CDH4: variants seen among roughly 807,000 people sequenced by gnomAD.
CDH4 encodes the protein cadherin 4, also known as cadherin-4.
In CDH4, 33 loss-of-function variants were observed where a neutral mutation model predicts 86.0. The observed-to-expected ratio is 0.38, with a 90% confidence interval of 0.29 to 0.51. The LOEUF is 0.51. CDH4 is among the 20% of genes least tolerant of loss of function. CDH4 has a pLI of 0.86. For synonymous variants in CDH4, 555 were observed against 549.4 expected, an observed-to-expected ratio of 1.01 and a Z score of -0.14; for missense variants, 1,114 against 1,307.4, an observed-to-expected ratio of 0.85 and a Z score of 2.28.
intron 2 of CDH4, among the ~76,000 whole-genome samples, chr20:61,384,087 G>C (rs140498284): frequency 0.037 from 5,664 of 152,008 alleles, 366 homozygotes; most frequent in African/African-American, 0.13. Context: ...ACATTTTTCT[G>C]CCTGCTTATA....
chr20:61,304,819 G>A (rs2084407313), intron 2 of CDH4, among the ~76,000 whole-genome samples: 1 of 151,414 alleles, frequency 6.6e-6, no homozygotes, highest in African/African-American at 2.4e-5. Flanking sequence ...GGGGATGTGT[G>A]TACAGTGTGT....
chr20:61,319,584 GC>G (rs1428871003), intron 2 of CDH4, among the ~76,000 whole-genome samples: 1 of 152,146 alleles, frequency 6.6e-6, no homozygotes, highest in Non-Finnish European at 1.5e-5. Flanking sequence ...GTAGGTGGTT[GC>G]CTGGGGCTGG....
At chr20:61,419,220 C>T (rs2085163999) in intron 2 of CDH4, among the ~76,000 whole-genome samples, 1 of 152,164 alleles carries the variant, frequency 6.6e-6, no homozygotes, top group South Asian at 2.1e-4. Flanking sequence ...TTCCCCGCAG[C>T]AGGTGCAGCT....
chr20:61,815,085 G>GC (rs1041024411), intron 4 of CDH4, among the ~76,000 whole-genome samples: 3 of 152,152 alleles, frequency 2.0e-5, no homozygotes, highest in Non-Finnish European at 4.4e-5. Context: ...AGGAAATTCT[G>GC]CACCCTGAGT....
intron 6 of CDH4, 25 bp from the exon 7 acceptor site, chr20:61,873,703 A>C (rs1404103758): frequency 3.1e-6 from 5 of 1,605,258 alleles, no homozygotes; most frequent in Non-Finnish European, 4.2e-6. Context: ...GGCCATCCCC[A>C]TCTGAGCTGC....
chr20:61,842,706 C>A (rs1392462269), intron 4 of CDH4, among the ~76,000 whole-genome samples: 3 of 110,110 alleles, frequency 2.7e-5, no homozygotes, highest in African/African-American at 8.5e-5. Context: ...GCTCTGGAAT[C>A]TGTTACCCCT....
chr20:61,747,611 G>A (rs1461527453), intron 3 of CDH4, among the ~76,000 whole-genome samples: 1 of 152,172 alleles, frequency 6.6e-6, no homozygotes, highest in Non-Finnish European at 1.5e-5. Flanking sequence ...GTTTGGAATT[G>A]AAAACTAAAC....
At chr20:61,342,309 AAAGAATTACACAACTCAC>A (rs2084653207) in intron 2 of CDH4, among the ~76,000 whole-genome samples, 1 of 152,204 alleles carries the variant, frequency 6.6e-6, no homozygotes, top group Non-Finnish European at 1.5e-5. Context: ...ATATATAAAG[AAAGAATTACACAACTCAC>A]CATGACGTAC....
intron 2 of CDH4, among the ~76,000 whole-genome samples, chr20:61,732,303 C>G (rs2088200442): frequency 1.3e-5 from 2 of 152,184 alleles, no homozygotes; most frequent in South Asian, 4.2e-4. Context: ...TCTGCACTGC[C>G]TCAGGGAAAA....
At chr20:61,594,966 T>C (rs2086544691) in intron 2 of CDH4, among the ~76,000 whole-genome samples, 1 of 140,842 alleles carries the variant, frequency 7.1e-6, no homozygotes, top group Admixed American at 6.8e-5. Context: ...GTTTATTGAG[T>C]ATCCTCTTTA....
intron 4 of CDH4, among the ~76,000 whole-genome samples, chr20:61,816,795 G>A (rs1395375714): frequency 6.6e-6 from 1 of 152,170 alleles, no homozygotes; most frequent in Non-Finnish European, 1.5e-5. Flanking sequence ...CACAGAGCTG[G>A]GCCCAGGCCT....
At chr20:61,907,652 G>A (rs2054805320) in intron 8 of CDH4, among the ~76,000 whole-genome samples, 1 of 152,106 alleles carries the variant, frequency 6.6e-6, no homozygotes, top group Admixed American at 6.5e-5. Context: ...GTGATGAAGG[G>A]AAGACAGAGT....
intron 2 of CDH4, among the ~76,000 whole-genome samples, chr20:61,686,599 G>A (rs1262343249): frequency 2.6e-5 from 4 of 151,606 alleles, no homozygotes; most frequent in African/African-American, 4.9e-5. Flanking sequence ...GTGTGCATGA[G>A]CACGTGTGTG....
At position 61,829,820 on chromosome 20, in the gene CDH4, A is replaced by G. The variant is rs943015565; in HGVS notation, c.577-14848A>G. On this transcript the variant is annotated intron_variant, in intron 4 of 15. Coordinates refer to ENST00000614565, the MANE Select transcript of CDH4 (RefSeq NM_001794.5). This position sits in a 1 kb window ranked among gnomAD's most constrained non-coding sequence, Gnocchi z 4.2. The stretch of plus-strand genomic sequence containing the variant: ...GGGAGTCTGTGCAGCCCTCCTCCAG[A>G]CCCCAGTCCCCTTGGACCAGGGGCA... Among the ~76,000 whole-genome samples, 8 of 151,302 alleles carry G rather than the reference A, an allele frequency of 5.3e-5. No homozygotes were observed. The highest frequency in any genetic ancestry group is 1.7e-4 in the African/African-American group (7 of 41,166).
chr20:61,774,246 C>G (rs1216233644), intron 4 of CDH4, among the ~76,000 whole-genome samples: 1 of 152,202 alleles, frequency 6.6e-6, no homozygotes, highest in Non-Finnish European at 1.5e-5. Context: ...GAGGGCCAGG[C>G]AGGTTTGGAG....
chr20:61,554,273 C>T (rs1016837397), intron 2 of CDH4, among the ~76,000 whole-genome samples: 7 of 152,180 alleles, frequency 4.6e-5, no homozygotes, highest in Admixed American at 6.5e-5. Context: ...TCCCAGCTCC[C>T]GTAGGTGAAT....
intron 9 of CDH4, among the ~76,000 whole-genome samples, chr20:61,920,090 G>A (rs1213123749): frequency 0.047 from 121 of 2,598 alleles, 1 homozygote; most frequent in East Asian, 0.073. Context: ...CGGTGATTGC[G>A]TGGAAGCATG....
intron 2 of CDH4, among the ~76,000 whole-genome samples, chr20:61,554,689 A>G (rs1264419239): frequency 6.6e-6 from 1 of 152,238 alleles, no homozygotes; most frequent in Non-Finnish European, 1.5e-5. Context: ...AGAGCAGGAG[A>G]AACACTGTGG....
At chr20:61,782,379 A>G (rs1444404176) in intron 4 of CDH4, among the ~76,000 whole-genome samples, 2 of 152,200 alleles carry the variant, frequency 1.3e-5, no homozygotes, top group African/African-American at 4.8e-5. Context: ...ATTCATCACC[A>G]TTAGATCCAG....
Sources: allele counts gnomAD v4.1 joint callset (sites outside exome capture counted in the v4.1 genomes callset), GRCh38; gene constraint gnomAD v4.1.1; non-coding constraint Gnocchi (gnomAD v3.1); transcripts MANE v1.5; gene names NCBI Gene and HGNC (gene_info 2026-07-23, HGNC 2026-07-21).